MRTFB: variants seen among roughly 807,000 people sequenced by gnomAD.
MRTFB encodes myocardin related transcription factor B.
MRTFB carries 29 observed loss-of-function variants against 104.2 expected under a neutral mutation model. That is an observed-to-expected ratio of 0.28 (90% CI 0.21 to 0.38). MRTFB has a LOEUF of 0.38. Ranked by LOEUF, MRTFB falls within the 10% of genes least tolerant of loss-of-function variation. The pLI is 1.00. For synonymous variants in MRTFB, 535 were observed against 519.5 expected (o/e 1.03, Z -0.41); for missense variants, 1,270 against 1,341.6 (o/e 0.95, Z 0.83).
chr16:14,018,037 T>C, the MRTFB span, among the ~76,000 whole-genome samples: 1 of 152,030 alleles, frequency 6.6e-6, no homozygotes, highest in Non-Finnish European at 1.5e-5. Context: ...TTGAGAACTT[T>C]ATGAAAGCTT....
At chr16:14,202,770 C>G (rs1211769849) in intron 3 of MRTFB, among the ~76,000 whole-genome samples, 2 of 152,154 alleles carry the variant, frequency 1.3e-5, no homozygotes, top group Admixed American at 6.5e-5. Context: ...TAAACAAGTG[C>G]AATTCTACAT....
At chr16:14,166,528 G>A (rs1241017815) in intron 3 of MRTFB, among the ~76,000 whole-genome samples, 1 of 152,102 alleles carries the variant, frequency 6.6e-6, no homozygotes, top group Non-Finnish European at 1.5e-5. Context: ...TAAGTTCCAG[G>A]ATACATATGC....
chr16:14,017,171 G>T, the MRTFB span, among the ~76,000 whole-genome samples: 1 of 149,962 alleles, frequency 6.7e-6, no homozygotes, highest in Non-Finnish European at 1.5e-5. Context: ...ATTCTCCTGC[G>T]TCAGCCTCCC....
intron 9 of MRTFB, among the ~76,000 whole-genome samples, chr16:14,236,645 T>C (rs746923678): frequency 5.3e-5 from 8 of 152,092 alleles, no homozygotes; most frequent in Non-Finnish European, 1.0e-4. Context: ...CATGAAGATA[T>C]CTATCTATGG....
At chr16:14,151,948 C>G (rs1416122714) in intron 3 of MRTFB, 1 of 152,150 alleles carries the variant, frequency 6.6e-6, no homozygotes, top group Non-Finnish European at 1.5e-5. Context: ...TGGTAAACTC[C>G]TAAACAAACC....
At chr16:14,216,081 G>C (rs1412587059) in intron 6 of MRTFB, among the ~76,000 whole-genome samples, 2 of 152,230 alleles carry the variant, frequency 1.3e-5, no homozygotes, top group African/African-American at 2.4e-5. Context: ...CAACAGATAT[G>C]AATCATTTTG....
intron 3 of MRTFB, chr16:14,186,747 G>A: frequency 6.8e-7 from 1 of 1,471,780 alleles, no homozygotes; most frequent in Non-Finnish European, 8.9e-7. Context: ...GAACTAAAGG[G>A]TAATGGCTGC....
chr16:14,034,884 G>A, the MRTFB span, among the ~76,000 whole-genome samples: 1 of 152,098 alleles, frequency 6.6e-6, no homozygotes, highest in Non-Finnish European at 1.5e-5. Flanking sequence ...TAGGAAGGAA[G>A]GCCCCACCAC....
In MRTFB at chr16:14,127,661, T is replaced by A. The variant is rs1355701566; in HGVS notation, c.-63-12883T>A. On this transcript the variant is annotated intron_variant, in intron 2 of 16. Coordinates refer to ENST00000571589, the MANE Select transcript of MRTFB (RefSeq NM_001308142.2). ...CTGTCTCAAAAAAAAAAAAAAAAAA[T>A]AATGACGAAAATCCCCTCTAGCCTT... 2.2e-4 allele frequency among the ~76,000 whole-genome samples: 32 copies of A among 142,434 alleles called. No individual in the cohort carries two copies. In the East Asian group the frequency reaches 2.7e-3, roughly 12 times the overall value. The allele number at this position is 142,434 out of a possible 152,430, so 93.4% of individuals were successfully genotyped here. A position where few individuals can be genotyped will look rare whatever the true frequency, so the allele number is the denominator to read the frequency against.
At chr16:14,206,454 A>G (rs1396673323) in intron 3 of MRTFB, among the ~76,000 whole-genome samples, 1 of 152,266 alleles carries the variant, frequency 6.6e-6, no homozygotes, top group Non-Finnish European at 1.5e-5. Flanking sequence ...TTATAAGTCT[A>G]TACCTATATG....
the MRTFB span, among the ~76,000 whole-genome samples, chr16:14,008,667 C>T: frequency 6.6e-6 from 1 of 152,136 alleles, no homozygotes; most frequent in East Asian, 1.9e-4. Flanking sequence ...CTCTGATTCT[C>T]TTGAATTTCC....
chr16:14,068,193 G>A (rs1375033547), upstream of MRTFB, among the ~76,000 whole-genome samples: 3 of 152,118 alleles, frequency 2.0e-5, no homozygotes, highest in South Asian at 2.1e-4. Context: ...TATTTCTACT[G>A]GGCAATGAGG....
chr16:14,118,050 AAATAG>A (rs778109460), intron 2 of MRTFB, among the ~76,000 whole-genome samples: 2 of 152,120 alleles, frequency 1.3e-5, no homozygotes, highest in Non-Finnish European at 2.9e-5. Flanking sequence ...AAATGATATA[AAATAG>A]AATAGAACAT....
intron 3 of MRTFB, among the ~76,000 whole-genome samples, chr16:14,208,022 A>G (rs1453623370): frequency 1.3e-5 from 2 of 152,206 alleles, no homozygotes; most frequent in Admixed American, 1.3e-4. Context: ...GGCATCCAGA[A>G]TTGGAGAATT....
the MRTFB span, among the ~76,000 whole-genome samples, chr16:14,060,754 A>G: frequency 5.7e-3 from 874 of 152,208 alleles, 7 homozygotes; most frequent in Non-Finnish European, 8.2e-3. Flanking sequence ...CAGCAGAAAT[A>G]TGTTCAAGGG....
intron 10 of MRTFB, among the ~76,000 whole-genome samples, chr16:14,242,081 G>A (rs1013788528): frequency 1.1e-4 from 17 of 151,896 alleles, no homozygotes; most frequent in African/African-American, 2.4e-4. Context: ...CCTCATCCTC[G>A]CCTCAAGTCT....
chr16:14,002,466 T>G, the MRTFB span, among the ~76,000 whole-genome samples: 1 of 149,196 alleles, frequency 6.7e-6, no homozygotes, highest in African/African-American at 2.5e-5. Context: ...TCGATGAAAT[T>G]AAAACAACTG....
intron 5 of MRTFB, among the ~76,000 whole-genome samples, chr16:14,212,795 C>A (rs985743445): frequency 2.6e-5 from 4 of 152,214 alleles, no homozygotes; most frequent in Admixed American, 1.3e-4. Context: ...GATTTCCCTA[C>A]TGGGTCTTTG....
intron 2 of MRTFB, among the ~76,000 whole-genome samples, chr16:14,098,556 T>G (rs771662983): frequency 2.6e-5 from 4 of 152,232 alleles, no homozygotes; most frequent in Non-Finnish European, 5.9e-5. Flanking sequence ...AGTTCTTAAT[T>G]TTGATAAAGT....
Sources: allele counts gnomAD v4.1 joint callset (sites outside exome capture counted in the v4.1 genomes callset), GRCh38; gene constraint gnomAD v4.1.1; transcripts MANE v1.5; gene names NCBI Gene and HGNC (gene_info 2026-07-23, HGNC 2026-07-21).